The following EXOC4 variants were observed in gnomAD, a reference collection of about 807,000 sequenced individuals.
EXOC4 encodes the protein SEC8-like 1.
A neutral mutation model predicts 107.2 loss-of-function variants in EXOC4; 71 were observed. The ratio of observed to expected loss-of-function variants is 0.66; its 90% CI spans 0.55 to 0.81. The LOEUF is 0.81. EXOC4 is among the 30% of genes least tolerant of loss of function. The pLI is 0.00. For synonymous variants in EXOC4, 456 were observed against 441.2 expected (o/e 1.03, Z -0.42); for missense variants, 1,108 against 1,189.6 (o/e 0.93, Z 1.01).
intron 11 of EXOC4, among the ~76,000 whole-genome samples, chr7:133,856,035 A>G (rs1447762002): frequency 1.4e-4 from 21 of 152,230 alleles, no homozygotes; most frequent in Non-Finnish European, 1.5e-5. Context: ...GATCTGGAAC[A>G]CGTAAAAGTA....
chr7:133,444,817 C>T (rs575555731), intron 7 of EXOC4, among the ~76,000 whole-genome samples: 9 of 152,170 alleles, frequency 5.9e-5, no homozygotes, highest in East Asian at 1.9e-4. Flanking sequence ...GTCAGCTTGT[C>T]GGTGTTCAGG....
At chr7:133,479,402 G>A (rs1281031052) in intron 8 of EXOC4, 2 of 152,096 alleles carry the variant, frequency 1.3e-5, no homozygotes, top group Admixed American at 6.6e-5. Context: ...ATAGTTCCTG[G>A]GTAGGTGTGA....
Position 133,305,938 on chromosome 7 carries a change from G to C in EXOC4, c.533G>C (p.Arg178Pro). The change falls in exon 4 of 18, where the codon CGA becomes CCA. Residue 178 changes from arginine (R) to proline (P), a missense_variant. Physicochemically the swap from Arg to Pro is moderately radical, Grantham distance 103. Coordinates refer to ENST00000253861, the MANE Select transcript of EXOC4 (RefSeq NM_021807.4). ...CAGGTGGAAGGACTGAGTGACCTTC[G>C]ACTAGAGCTTCACAGCAAGAAGATG... is the stretch of plus-strand genomic sequence containing the variant. ...LLQVEGLSDL[R>P]LELHSKKMNL... 6.2e-7 allele frequency: 1 copy of C among 1,613,508 alleles called. No homozygotes were observed. Among genetic ancestry groups the C allele is most frequent in the Non-Finnish European group, 8.5e-7 (1 of 1,179,740 alleles).
chr7:133,401,775 T>G (rs989842495), intron 7 of EXOC4, among the ~76,000 whole-genome samples: 2 of 152,198 alleles, frequency 1.3e-5, no homozygotes, highest in African/African-American at 2.4e-5. Context: ...CCTTTTTTTT[T>G]GTCTAAATCT....
chr7:133,661,726 ACT>A (rs1008391250), intron 10 of EXOC4, among the ~76,000 whole-genome samples: 1 of 147,814 alleles, frequency 6.8e-6, no homozygotes, highest in African/African-American at 2.5e-5. Context: ...TCACAGTCAG[ACT>A]CTGTATTTTA....
intron 14 of EXOC4, among the ~76,000 whole-genome samples, chr7:133,990,004 ATATAT>A (rs1463355125): frequency 6.6e-6 from 1 of 152,148 alleles, no homozygotes; most frequent in Non-Finnish European, 1.5e-5. Flanking sequence ...TTTTAAATTA[ATATAT>A]TATAGCTGTA....
chr7:133,727,086 AT>A (rs1427430042), intron 10 of EXOC4, among the ~76,000 whole-genome samples: 4 of 152,204 alleles, frequency 2.6e-5, no homozygotes, highest in African/African-American at 9.6e-5. Context: ...TTCAAGCTAA[AT>A]TTTTTCAATT....
In EXOC4 at chr7:133,924,493, T is replaced by C. The variant is rs184312416; in HGVS notation, c.2027+6755T>C. On this transcript the variant is annotated intron_variant, in intron 13 of 17. Coordinates refer to ENST00000253861, the MANE Select transcript of EXOC4 (RefSeq NM_021807.4). Reference sequence around the variant, plus strand: ...ATTTTTACCCTTCATGCTTCTGATTTAAAAAAGCTAGAATCAAGGTCCTGG... The same window carrying C: ...ATTTTTACCCTTCATGCTTCTGATTCAAAAAAGCTAGAATCAAGGTCCTGG... Among the ~76,000 whole-genome samples, 334 of 152,318 alleles carry C rather than the reference T, an allele frequency of 2.2e-3. 1 individual carries two copies. The highest frequency in any genetic ancestry group is 3.6e-3 in the Non-Finnish European group (242 of 68,020).
At chr7:133,362,811 A>G (rs1300931915) in intron 6 of EXOC4, among the ~76,000 whole-genome samples, 1 of 152,192 alleles carries the variant, frequency 6.6e-6, no homozygotes, top group Non-Finnish European at 1.5e-5. Flanking sequence ...TTTCACATAA[A>G]TAGCATTTCG....
chr7:133,670,206 C>T (rs913581366), intron 10 of EXOC4, among the ~76,000 whole-genome samples: 1 of 152,174 alleles, frequency 6.6e-6, no homozygotes, highest in South Asian at 2.1e-4. Context: ...TCTCAGGTTG[C>T]AGAGTCTTTG....
intron 11 of EXOC4, among the ~76,000 whole-genome samples, chr7:133,869,993 T>G (rs6979717): frequency 0.16 from 24,948 of 152,130 alleles, 2,519 homozygotes; most frequent in African/African-American, 0.28. Context: ...TAGCAGAACA[T>G]CCTATTATTT....
At chr7:133,812,699 A>G (rs951591614) in intron 10 of EXOC4, among the ~76,000 whole-genome samples, 3 of 152,234 alleles carry the variant, frequency 2.0e-5, no homozygotes, top group Non-Finnish European at 4.4e-5. Flanking sequence ...GGATGGCTAC[A>G]TTGAGCTAAG....
At chr7:133,439,717 C>T (rs1289269100) in intron 7 of EXOC4, among the ~76,000 whole-genome samples, 2 of 152,154 alleles carry the variant, frequency 1.3e-5, no homozygotes, top group Non-Finnish European at 2.9e-5. Flanking sequence ...TCCTGAAAGA[C>T]TCAGGATTTA....
intron 9 of EXOC4, among the ~76,000 whole-genome samples, chr7:133,530,857 T>G (rs1431458157): frequency 1.3e-5 from 2 of 152,202 alleles, no homozygotes; most frequent in Non-Finnish European, 2.9e-5. Context: ...CAGTTCACTT[T>G]TCATGCCAAG....
chr7:134,028,452 C>T (rs1043548597), intron 17 of EXOC4, among the ~76,000 whole-genome samples: 1 of 152,044 alleles, frequency 6.6e-6, no homozygotes, highest in Non-Finnish European at 1.5e-5. Context: ...AACTATAAGT[C>T]GAAACAAAAT....
chr7:134,069,173 A>C (rs10242644), downstream of EXOC4, among the ~76,000 whole-genome samples: 112,306 of 151,892 alleles, frequency 0.74, 41,925 homozygotes, highest in East Asian at 0.87. Context: ...GTGCCCCACT[A>C]GCTAGCACAC....
chr7:133,864,467 G>C (rs1408788098), intron 11 of EXOC4, among the ~76,000 whole-genome samples: 3 of 151,954 alleles, frequency 2.0e-5, no homozygotes, highest in Non-Finnish European at 4.4e-5. Context: ...TTTACAAAAA[G>C]CTGGTAGAAA....
chr7:134,032,605 G>A (rs1219845609), intron 17 of EXOC4, among the ~76,000 whole-genome samples: 5 of 152,182 alleles, frequency 3.3e-5, no homozygotes, highest in African/African-American at 7.2e-5. Flanking sequence ...AAGGGAGTGC[G>A]GTGGCCACCT....
At chr7:133,920,641 G>A (rs1389051580) in intron 13 of EXOC4, among the ~76,000 whole-genome samples, 1 of 152,134 alleles carries the variant, frequency 6.6e-6, no homozygotes, top group Non-Finnish European at 1.5e-5. Flanking sequence ...TTATCCATAA[G>A]CTAGAATCAT....
Sources: allele counts gnomAD v4.1 joint callset (sites outside exome capture counted in the v4.1 genomes callset), GRCh38; gene constraint gnomAD v4.1.1; transcripts MANE v1.5; gene names NCBI Gene and HGNC (gene_info 2026-07-23, HGNC 2026-07-21).